The following CDH18 variants were observed in gnomAD, a reference collection of about 807,000 sequenced individuals.
CDH18 encodes the protein cadherin-18.
Under a neutral mutation model 67.9 loss-of-function variants are expected in CDH18, and 31 were observed. The ratio of observed to expected loss-of-function variants is 0.46; its 90% CI spans 0.34 to 0.62. The LOEUF (loss-of-function observed/expected upper bound fraction) is 0.62. CDH18 is among the 20% of genes least tolerant of loss of function. CDH18 has a pLI of 0.01. For missense variants in CDH18, 890 were observed against 975.5 expected, an observed-to-expected ratio of 0.91 and a Z score of 1.17; for synonymous variants, 362 against 347.2, an observed-to-expected ratio of 1.04 and a Z score of -0.48.
intron 1 of CDH18, among the ~76,000 whole-genome samples, chr5:20,288,756 C>T (rs1466327686): frequency 1.3e-5 from 2 of 151,750 alleles, no homozygotes; most frequent in African/African-American, 2.4e-5. Flanking sequence ...CACACACACA[C>T]GTAACATGCA....
intron 5 of CDH18, among the ~76,000 whole-genome samples, chr5:19,659,694 T>C (rs1561559054): frequency 6.6e-6 from 1 of 152,086 alleles, no homozygotes. Flanking sequence ...TTCACATAGC[T>C]TTTACCTCAT....
intron 1 of CDH18, among the ~76,000 whole-genome samples, chr5:20,438,594 T>A (rs1163508797): frequency 6.6e-6 from 1 of 151,320 alleles, no homozygotes; most frequent in Non-Finnish European, 1.5e-5. Context: ...AACTAATGAA[T>A]CAGGAGAGAA....
intron 4 of CDH18, among the ~76,000 whole-genome samples, chr5:19,725,711 G>T (rs1364135563): frequency 2.0e-5 from 3 of 152,160 alleles, no homozygotes; most frequent in Non-Finnish European, 4.4e-5. Context: ...AGAGATTGCG[G>T]TGAGCTGAGA....
chr5:19,771,321 C>T (rs898008031), intron 3 of CDH18, among the ~76,000 whole-genome samples: 3 of 152,162 alleles, frequency 2.0e-5, no homozygotes, highest in African/African-American at 7.2e-5. Flanking sequence ...TGCTTACTCC[C>T]TCTTATCATC....
At chr5:19,489,508 T>C (rs56659157) in intron 11 of CDH18, among the ~76,000 whole-genome samples, 2,455 of 152,020 alleles carry the variant, frequency 0.016, 67 homozygotes, top group African/African-American at 0.055. Flanking sequence ...TGGCCTCCCA[T>C]AGTGCTGGGA....
chr5:19,864,798 C>G (rs1414213296), intron 2 of CDH18, among the ~76,000 whole-genome samples: 3 of 152,130 alleles, frequency 2.0e-5, no homozygotes, highest in Non-Finnish European at 4.4e-5. Flanking sequence ...CAGCATATAT[C>G]TGATTTTCTA....
chr5:20,102,101 C>T (rs1007344253), intron 2 of CDH18, among the ~76,000 whole-genome samples: 10 of 151,936 alleles, frequency 6.6e-5, no homozygotes, highest in African/African-American at 2.2e-4. Context: ...AACAAAAAAA[C>T]AGCTAAATCT....
intron 1 of CDH18, among the ~76,000 whole-genome samples, chr5:20,535,057 A>G (rs1756636495): frequency 2.0e-5 from 3 of 152,232 alleles, no homozygotes; most frequent in Admixed American, 1.3e-4. Flanking sequence ...CTTTGGATGC[A>G]AACATGAAAA....
chr5:20,482,580 C>A (rs75045860), intron 1 of CDH18, among the ~76,000 whole-genome samples: 5,728 of 152,056 alleles, frequency 0.038, 353 homozygotes, highest in African/African-American at 0.13. Flanking sequence ...TTATTATGAC[C>A]AGGCAAAATT....
In CDH18 at chr5:19,963,086, T is replaced by C. The variant is rs180910367; in HGVS notation, c.-257+17974A>G. ...CTGACAAGAAAAACAAAAACTGAAA[T>C]ATGAACATCAAGCCTCAATAAGCAT... On this transcript the variant is annotated intron_variant, in intron 2 of 12. Coordinates refer to ENST00000382275, the MANE Select transcript of CDH18 (RefSeq NM_004934.5). 3.4e-4 allele frequency among the ~76,000 whole-genome samples: 52 copies of C among 152,218 alleles called. 1 individual carries two copies. In the East Asian group the frequency reaches 9.7e-3, roughly 28 times the overall value.
intron 5 of CDH18, among the ~76,000 whole-genome samples, chr5:19,718,821 A>G (rs1765653593): frequency 6.6e-6 from 1 of 152,040 alleles, no homozygotes; most frequent in South Asian, 2.1e-4. Flanking sequence ...ATGCAAGAGC[A>G]AAGAAAATTT....
intron 2 of CDH18, among the ~76,000 whole-genome samples, chr5:20,155,190 T>C (rs1580362044): frequency 6.6e-6 from 1 of 152,174 alleles, no homozygotes; most frequent in East Asian, 1.9e-4. Context: ...ACAACTTTAA[T>C]GTAAACTAGT....
At chr5:20,420,653 T>A (rs1747791617) in intron 1 of CDH18, among the ~76,000 whole-genome samples, 1 of 151,252 alleles carries the variant, frequency 6.6e-6, no homozygotes, top group South Asian at 2.1e-4. Context: ...TATTTTGCCC[T>A]AGTCCTAACC....
At chr5:19,906,394 A>C (rs1000342838) in intron 2 of CDH18, among the ~76,000 whole-genome samples, 8 of 151,992 alleles carry the variant, frequency 5.3e-5, no homozygotes, top group African/African-American at 1.7e-4. Flanking sequence ...ATTAAATTGA[A>C]TATGTCTATA....
In CDH18 at chr5:19,921,989, G is replaced by A. The variant is rs145405073; in HGVS notation, c.-257+59071C>T. On this transcript the variant is annotated intron_variant, in intron 2 of 12. Transcript: ENST00000382275. The stretch of plus-strand genomic sequence containing the variant: ...GGCCTAGAGGGTAGGTCTGTCACAC[G>A]TCTCTTTGGTTTTACTAATGGAGAA... Among the ~76,000 whole-genome samples, 310 of 151,968 alleles carry A rather than the reference G, an allele frequency of 2.0e-3. 2 individuals are homozygous for A. The highest frequency in any genetic ancestry group is 7.2e-3 in the African/African-American group (298 of 41,460).
chr5:20,459,233 T>C (rs1388954817), intron 1 of CDH18, among the ~76,000 whole-genome samples: 1 of 152,210 alleles, frequency 6.6e-6, no homozygotes, highest in Non-Finnish European at 1.5e-5. Flanking sequence ...AGGCATTTCA[T>C]AAACGTGAGC....
At chr5:20,353,040 GT>G (rs1404867140) in intron 1 of CDH18, among the ~76,000 whole-genome samples, 1 of 152,052 alleles carries the variant, frequency 6.6e-6, no homozygotes, top group African/African-American at 2.4e-5. Flanking sequence ...TATGAAAATG[GT>G]TTTTCTTTTT....
chr5:20,026,457 C>A (rs1267940054), intron 2 of CDH18, among the ~76,000 whole-genome samples: 1 of 152,124 alleles, frequency 6.6e-6, no homozygotes, highest in Non-Finnish European at 1.5e-5. Flanking sequence ...AACATGAAAC[C>A]TATCCTGTAA....
chr5:19,609,951 G>A (rs940846711), intron 6 of CDH18, among the ~76,000 whole-genome samples: 9 of 151,990 alleles, frequency 5.9e-5, no homozygotes, highest in Non-Finnish European at 1.0e-4. Flanking sequence ...TTCCCCACTA[G>A]GTACATAGCT....
Sources: allele counts gnomAD v4.1 joint callset (sites outside exome capture counted in the v4.1 genomes callset), GRCh38; gene constraint gnomAD v4.1.1; transcripts MANE v1.5; gene names NCBI Gene and HGNC (gene_info 2026-07-23, HGNC 2026-07-21).